TENM3: variants seen among roughly 807,000 people sequenced by gnomAD.
TENM3 encodes teneurin-3.
A neutral mutation model predicts 255.1 loss-of-function variants in TENM3; 63 were observed. The ratio of observed to expected loss-of-function variants is 0.25; its 90% confidence interval spans 0.20 to 0.30. The LOEUF (loss-of-function observed/expected upper bound fraction) is 0.30, where lower values mean the gene tolerates loss of function less well. TENM3 is among the 10% of genes least tolerant of loss of function. The pLI is 1.00. For missense variants in TENM3, 2,929 were observed against 3,461.1 expected, an observed-to-expected ratio of 0.85 and a Z score of 3.86; for synonymous variants, 1,306 against 1,322.3, an observed-to-expected ratio of 0.99 and a Z score of 0.27.
chr4:181,964,632 G>C, the TENM3 span, among the ~76,000 whole-genome samples: 1 of 151,996 alleles, frequency 6.6e-6, no homozygotes, highest in Non-Finnish European at 1.5e-5. Context: ...ATTGGGAATA[G>C]GCTGATCGGG....
At chr4:181,470,582 G>T in the TENM3 span, among the ~76,000 whole-genome samples, 26 of 152,052 alleles carry the variant, frequency 1.7e-4, no homozygotes, top group Non-Finnish European at 3.1e-4. Context: ...GGAACCTACT[G>T]AAGCATTTCT....
intron 3 of TENM3, among the ~76,000 whole-genome samples, chr4:182,583,063 G>A (rs986558154): frequency 6.6e-6 from 1 of 152,144 alleles, no homozygotes; most frequent in Non-Finnish European, 1.5e-5. Context: ...ATTCTCCTTC[G>A]TAATCGACAT....
In TENM3 at chr4:182,559,932, C is replaced by A. The variant is rs141669184; in HGVS notation, c.512-40992C>A. On this transcript the variant is annotated intron_variant, in intron 3 of 27. Transcript: ENST00000511685. ...GAATATAATTGGATTGTTTATAACA[C>A]AAAGAATAAATGCTTCAGATGATGG... Among the ~76,000 whole-genome samples, 413 of 152,006 alleles carry A rather than the reference C, an allele frequency of 2.7e-3. 1 individual carries two copies. Among genetic ancestry groups the A allele is most frequent in the African/African-American group, 9.2e-3 (380 of 41,464 alleles).
chr4:182,551,719 A>G (rs1742043910), intron 3 of TENM3, among the ~76,000 whole-genome samples: 1 of 152,038 alleles, frequency 6.6e-6, no homozygotes, highest in South Asian at 2.1e-4. Context: ...TGCATCTTTT[A>G]CTGTATTTAA....
At chr4:181,916,103 G>T in the TENM3 span, among the ~76,000 whole-genome samples, 3 of 151,938 alleles carry the variant, frequency 2.0e-5, no homozygotes, top group East Asian at 1.9e-4. Context: ...CACCCCAGGG[G>T]TTTAACATAT....
chr4:182,252,848 C>T (rs1410534008), intron 1 of TENM3, among the ~76,000 whole-genome samples: 1 of 152,114 alleles, frequency 6.6e-6, no homozygotes. Flanking sequence ...ACAGTCCTTT[C>T]AATTTGGAGC....
At chr4:182,389,220 G>A (rs1033811437) in intron 3 of TENM3, among the ~76,000 whole-genome samples, 1 of 152,092 alleles carries the variant, frequency 6.6e-6, no homozygotes, top group African/African-American at 2.4e-5. Context: ...GTAGCTGAAA[G>A]TACAGTTTTG....
the TENM3 span, among the ~76,000 whole-genome samples, chr4:181,535,207 G>A: frequency 2.0e-5 from 3 of 152,238 alleles, no homozygotes; most frequent in East Asian, 1.9e-4. Context: ...GCCTCTTGCC[G>A]CTGAGGCTTC....
intron 1 of TENM3, among the ~76,000 whole-genome samples, chr4:182,197,862 C>T (rs1753925597): frequency 2.0e-5 from 3 of 152,094 alleles, no homozygotes; most frequent in African/African-American, 4.8e-5. Flanking sequence ...CCCAGCACTT[C>T]GGGAGGCCGA....
At chr4:181,735,077 G>C in the TENM3 span, among the ~76,000 whole-genome samples, 187 of 151,954 alleles carry the variant, frequency 1.2e-3, 2 homozygotes, top group East Asian at 0.014. Context: ...AAAGAACTGG[G>C]TATGTAAAAA....
At chr4:181,701,659 A>T in the TENM3 span, among the ~76,000 whole-genome samples, 4 of 152,334 alleles carry the variant, frequency 2.6e-5, no homozygotes, top group South Asian at 8.3e-4. Flanking sequence ...TTGCCTTTAT[A>T]GTGAAAGACT....
intron 1 of TENM3, among the ~76,000 whole-genome samples, chr4:182,146,403 G>A (rs1156975435): frequency 6.6e-6 from 1 of 152,132 alleles, no homozygotes; most frequent in Non-Finnish European, 1.5e-5. Context: ...ACTTTAAAAT[G>A]TCATGGCATT....
the TENM3 span, among the ~76,000 whole-genome samples, chr4:181,687,404 T>A: frequency 0.012 from 1,755 of 152,316 alleles, 36 homozygotes; most frequent in African/African-American, 0.04. Context: ...AGAAACTAAA[T>A]GTAGTTGTTT....
At chr4:182,562,081 T>G (rs984076833) in intron 3 of TENM3, among the ~76,000 whole-genome samples, 2 of 152,112 alleles carry the variant, frequency 1.3e-5, no homozygotes, top group Non-Finnish European at 2.9e-5. Context: ...GTGGAGTAGA[T>G]AAAGCAATTT....
chr4:181,624,340 T>G, the TENM3 span, among the ~76,000 whole-genome samples: 5 of 152,190 alleles, frequency 3.3e-5, no homozygotes, highest in Admixed American at 2.0e-4. Flanking sequence ...TCTTAAGGCT[T>G]CCAACTCAAA....
chr4:181,889,375 A>T, the TENM3 span, among the ~76,000 whole-genome samples: 1 of 151,970 alleles, frequency 6.6e-6, no homozygotes, highest in Admixed American at 6.6e-5. Context: ...CTTTCTGAGG[A>T]CCTCACCAGA....
At chr4:181,758,611 C>T in the TENM3 span, among the ~76,000 whole-genome samples, 200 of 152,240 alleles carry the variant, frequency 1.3e-3, no homozygotes, top group African/African-American at 4.1e-3. Context: ...TTGCACCTTA[C>T]GGAACAGAAT....
At chr4:182,097,581 A>G in the TENM3 span, among the ~76,000 whole-genome samples, 2 of 152,208 alleles carry the variant, frequency 1.3e-5, no homozygotes, top group Non-Finnish European at 2.9e-5. Flanking sequence ...CTCGACATAT[A>G]TGTATTAAGC....
chr4:182,304,829 T>A (rs976469930), intron 1 of TENM3, among the ~76,000 whole-genome samples: 1 of 151,988 alleles, frequency 6.6e-6, no homozygotes, highest in Non-Finnish European at 1.5e-5. Context: ...GTTGTGTAGA[T>A]CCCTTATTGT....
Sources: allele counts gnomAD v4.1 joint callset (sites outside exome capture counted in the v4.1 genomes callset), GRCh38; gene constraint gnomAD v4.1.1; transcripts MANE v1.5; gene names NCBI Gene and HGNC (gene_info 2026-07-23, HGNC 2026-07-21).